The following PRIM2 variants were observed in gnomAD, a reference collection of about 807,000 sequenced individuals.
The protein encoded by PRIM2 is DNA primase large subunit.
A neutral mutation model predicts 67.3 loss-of-function variants in PRIM2; 39 were observed. The observed-to-expected ratio is 0.58, with a 90% CI of 0.45 to 0.76. The LOEUF is 0.76. Ranked by LOEUF, PRIM2 falls within the 30% of genes least tolerant of loss-of-function variation. The pLI is 0.00. For missense variants in PRIM2, 398 were observed against 598.7 expected (o/e 0.66, Z 3.50); for synonymous variants, 143 against 198.7 (o/e 0.72, Z 2.36).
the PRIM2 span, among the ~76,000 whole-genome samples, chr6:57,251,372 G>T: frequency 6.6e-6 from 1 of 152,136 alleles, no homozygotes; most frequent in Non-Finnish European, 1.5e-5. Context: ...CACAATAAAG[G>T]TTCATTTCTT....
intron 5 of PRIM2, among the ~76,000 whole-genome samples, chr6:57,346,357 C>G (rs1156295333): frequency 2.0e-5 from 3 of 152,050 alleles, no homozygotes; most frequent in Non-Finnish European, 4.4e-5. Flanking sequence ...CACTCTGTCG[C>G]CCAGGCTGGA....
chr6:57,464,079 T>C (rs35915326), intron 7 of PRIM2, among the ~76,000 whole-genome samples: 2 of 152,124 alleles, frequency 1.3e-5, no homozygotes, highest in Non-Finnish European at 2.9e-5. Context: ...CCTACTCACT[T>C]TCCGGGTCTT....
chr6:57,455,931 T>C (rs1772759321), intron 7 of PRIM2, among the ~76,000 whole-genome samples: 1 of 152,218 alleles, frequency 6.6e-6, no homozygotes, highest in Non-Finnish European at 1.5e-5. Context: ...TACTGGTTGT[T>C]CCTTTCCATG....
At chr6:57,344,658 G>C (rs1250294734) in intron 5 of PRIM2, among the ~76,000 whole-genome samples, 1 of 152,106 alleles carries the variant, frequency 6.6e-6, no homozygotes, top group Non-Finnish European at 1.5e-5. Context: ...TATTTATTGG[G>C]CAGTTACAGT....
At chr6:57,384,845 A>T (rs1179779676) in intron 7 of PRIM2, among the ~76,000 whole-genome samples, 2 of 152,232 alleles carry the variant, frequency 1.3e-5, no homozygotes, top group African/African-American at 2.4e-5. Context: ...CCCAGTGCCC[A>T]AAAACCTAAC....
intron 5 of PRIM2, among the ~76,000 whole-genome samples, chr6:57,341,301 A>T (rs1768479818): frequency 6.6e-6 from 1 of 152,166 alleles, no homozygotes; most frequent in Non-Finnish European, 1.5e-5. Context: ...GAGTATAGAA[A>T]ACATTATGCC....
chr6:57,444,083 A>G (rs1039285497), intron 7 of PRIM2, among the ~76,000 whole-genome samples: 5 of 152,138 alleles, frequency 3.3e-5, no homozygotes, highest in Admixed American at 2.6e-4. Context: ...GCACTTGTGC[A>G]GGTTTATTTC....
intron 7 of PRIM2, among the ~76,000 whole-genome samples, chr6:57,428,060 TA>T (rs200947680): frequency 6.7e-4 from 100 of 149,804 alleles, no homozygotes; most frequent in African/African-American, 1.0e-3. Flanking sequence ...AAAACTGACT[TA>T]AAAAAAAAAT....
chr6:57,608,407 T>C (rs1419296411), intron 12 of PRIM2, among the ~76,000 whole-genome samples: 4 of 152,190 alleles, frequency 2.6e-5, no homozygotes, highest in Non-Finnish European at 5.9e-5. Flanking sequence ...CTTAAAAAAT[T>C]AATGAAAGAC....
intron 5 of PRIM2, among the ~76,000 whole-genome samples, chr6:57,352,251 C>CT (rs901909802): frequency 7.2e-5 from 11 of 151,990 alleles, no homozygotes; most frequent in Non-Finnish European, 1.5e-4. Context: ...CTTTTCTTTT[C>CT]TTTTTTTGAG....
chr6:57,489,159 A>T (rs1159999944), intron 7 of PRIM2, among the ~76,000 whole-genome samples: 17 of 152,232 alleles, frequency 1.1e-4, no homozygotes, highest in Admixed American at 1.1e-3. Flanking sequence ...AGTATAACAG[A>T]GTTCTCTGTT....
chr6:57,458,742 A>G, intron 7 of PRIM2, among the ~76,000 whole-genome samples: 1 of 152,118 alleles, frequency 6.6e-6, no homozygotes, highest in Non-Finnish European at 1.5e-5. Flanking sequence ...TGATGAAAAC[A>G]CTAGTGACTC....
At chr6:57,396,413 T>C (rs1263379585) in intron 7 of PRIM2, among the ~76,000 whole-genome samples, 2 of 152,218 alleles carry the variant, frequency 1.3e-5, no homozygotes, top group African/African-American at 4.8e-5. Flanking sequence ...TGTCCCTGTT[T>C]CTGTCTTTTA....
chr6:57,578,686 T>G (rs1340218534), intron 10 of PRIM2, among the ~76,000 whole-genome samples: 4 of 146,886 alleles, frequency 2.7e-5, no homozygotes, highest in East Asian at 2.0e-4. Context: ...GTTTTTTTTT[T>G]TTTTTTTTGA....
intron 7 of PRIM2, among the ~76,000 whole-genome samples, chr6:57,460,364 A>AT (rs11403891): frequency 6.6e-6 from 1 of 152,198 alleles, no homozygotes; most frequent in African/African-American, 2.4e-5. Flanking sequence ...CTTTACTAGG[A>AT]TTTTAGGAAT....
intron 5 of PRIM2, among the ~76,000 whole-genome samples, chr6:57,365,452 C>G (rs952746757): frequency 1.1e-4 from 16 of 151,664 alleles, no homozygotes; most frequent in Admixed American, 9.8e-4. Flanking sequence ...AATTTTTGTG[C>G]CTTTTCGTGA....
intron 5 of PRIM2, among the ~76,000 whole-genome samples, chr6:57,329,143 A>G (rs532879241): frequency 1.1e-4 from 16 of 150,074 alleles, no homozygotes; most frequent in African/African-American, 3.4e-4. Flanking sequence ...TTTTTTTTTC[A>G]GATGAAGTCT....
intron 12 of PRIM2, among the ~76,000 whole-genome samples, chr6:57,631,293 G>C (rs1344544522): frequency 7.9e-5 from 12 of 152,234 alleles, no homozygotes; most frequent in African/African-American, 2.4e-4. Context: ...CCATTCATTT[G>C]AGGTTATCTC....
At chr6:57,572,606 A>G (rs1300397802) in intron 10 of PRIM2, among the ~76,000 whole-genome samples, 2 of 152,160 alleles carry the variant, frequency 1.3e-5, no homozygotes, top group African/African-American at 4.8e-5. Context: ...TACCTGTGGA[A>G]TTTATAGTTT....
Sources: gnomAD v4.1 joint callset for allele counts (sites outside exome capture counted in the v4.1 genomes callset) on GRCh38, gnomAD v4.1.1 for gene constraint, MANE v1.5 for transcripts, NCBI Gene and HGNC (gene_info 2026-07-23, HGNC 2026-07-21) for gene names.